The following PFKFB4 variants were observed in gnomAD, a reference collection of about 807,000 sequenced individuals.
The protein encoded by PFKFB4 is 6-phosphofructo-2-kinase/fructose-2,6-bisphosphatase 4.
A neutral mutation model predicts 62.8 loss-of-function variants in PFKFB4; 42 were observed. The observed-to-expected ratio is 0.67, with a 90% CI of 0.52 to 0.86. The LOEUF (loss-of-function observed/expected upper bound fraction) is 0.86, where lower values mean the gene tolerates loss of function less well. Among genes scored for constraint, PFKFB4 ranks in the 40% least tolerant of loss-of-function variants. The pLI is 0.00. For missense variants in PFKFB4, 475 were observed against 627.2 expected (o/e 0.76, Z 2.59); for synonymous variants, 204 against 240.7 (o/e 0.85, Z 1.41).
intron 13 of PFKFB4, among the ~76,000 whole-genome samples, chr3:48,520,756 AC>A (rs1488811441): frequency 1.3e-5 from 2 of 152,172 alleles, no homozygotes; most frequent in Non-Finnish European, 2.9e-5. Context: ...TCTCAGAAGC[AC>A]CCACCCATAG....
At chr3:48,522,443 G>C (rs958307814) in intron 12 of PFKFB4, among the ~76,000 whole-genome samples, 2 of 152,204 alleles carry the variant, frequency 1.3e-5, no homozygotes, top group Non-Finnish European at 2.9e-5. Context: ...TGCAATGGGG[G>C]ATGAGGCCAT....
intron 12 of PFKFB4, among the ~76,000 whole-genome samples, chr3:48,522,787 G>T (rs1244322048): frequency 6.6e-6 from 1 of 151,350 alleles, no homozygotes; most frequent in Non-Finnish European, 1.5e-5. Context: ...TTGAGACAGG[G>T]TCTCGCTCTG....
chr3:48,525,498 C>T (rs2107467218), intron 10 of PFKFB4, 67 bp downstream of exon 10: 2 of 826,196 alleles, frequency 2.4e-6, no homozygotes, highest in Middle Eastern at 3.2e-4. Flanking sequence ...CCCACAGGCC[C>T]TCAGCCACAG....
intron 4 of PFKFB4, 23 bp downstream of exon 4, chr3:48,543,557 T>C (rs1364135908): frequency 6.3e-7 from 1 of 1,595,508 alleles, no homozygotes; most frequent in Non-Finnish European, 8.5e-7. Flanking sequence ...CACTCCCAGC[T>C]GTCACCAGGG....
intron 9 of PFKFB4, among the ~76,000 whole-genome samples, chr3:48,529,000 A>G (rs1371198939): frequency 6.6e-6 from 1 of 152,102 alleles, no homozygotes; most frequent in Non-Finnish European, 1.5e-5. Flanking sequence ...TGAACACACT[A>G]AAAACCACTG....
upstream of PFKFB4, chr3:48,562,611 G>C (rs540283654): frequency 9.1e-6 from 6 of 659,092 alleles, no homozygotes; most frequent in East Asian, 1.7e-4. This position sits in a 1 kb window ranked among gnomAD's most constrained non-coding sequence, Gnocchi z 4.3. Flanking sequence ...ACTCAGATCT[G>C]ATATGACCTG....
Position 48,539,329 on chromosome 3 carries a change from C to T in PFKFB4, c.454-19G>A, listed in dbSNP as rs754843587. ...AAAAGGTCTGCGGCAGGACCAGAAG[C>T]GCCGGGGTGGTGGGAGGGAGGAACA... On this transcript the variant is annotated intron_variant, in intron 5 of 13. Coordinates refer to ENST00000232375, the MANE Select transcript of PFKFB4 (RefSeq NM_004567.4). The T allele has an allele frequency of 3.1e-6, 5 of 1,612,178 alleles. No homozygotes were observed. Among genetic ancestry groups the T allele is most frequent in the Non-Finnish European group, 4.2e-6 (5 of 1,178,616 alleles).
chr3:48,535,648 C>G lies in PFKFB4; in HGVS notation c.851G>C (p.Ser284Thr). ...LSPRGREFAK[S>T]LAQFISDQNI... is the part of the protein sequence containing the mutation. Reference sequence around the variant, plus strand: ...TTGGTCACTGATGAACTGGGCTAGACTCTTGGCAAACTGAAATACATCATA... The same window carrying G: ...TTGGTCACTGATGAACTGGGCTAGAGTCTTGGCAAACTGAAATACATCATA... Residue 284 changes from serine (S) to threonine (T), a missense_variant, in exon 9 of 14, where the codon AGT (serine) becomes ACT (threonine). Ser to Thr is a moderately conservative substitution (Grantham distance 58). Transcript: ENST00000232375. The G allele has an allele frequency of 6.2e-7, 1 of 1,614,188 alleles. No homozygotes were observed. The highest frequency in any genetic ancestry group is 8.5e-7 in the Non-Finnish European group (1 of 1,180,026).
chr3:48,554,426 T>C (rs2043250430), intron 1 of PFKFB4, among the ~76,000 whole-genome samples: 2 of 152,210 alleles, frequency 1.3e-5, no homozygotes, highest in South Asian at 4.1e-4. Flanking sequence ...GGTCTCATCT[T>C]TGGCCTCTCA....
In PFKFB4 at chr3:48,536,395, A is replaced by G. The variant is rs770807116; in HGVS notation, c.701T>C (p.Ile234Thr). ...SYVVNRVADH[I>T]QSRIVYYLMN... Reference sequence around the variant, plus strand: ...GAGGTAATATACGATGCGGCTCTGGATGTGGTCAGCCACACGGTTCACCAC... The same window carrying G: ...GAGGTAATATACGATGCGGCTCTGGGTGTGGTCAGCCACACGGTTCACCAC... The change falls in exon 8 of 14, where the codon ATC becomes ACC. Residue 234 changes from isoleucine (I) to threonine (T), a missense_variant. By Grantham distance (89) the Ile-to-Thr change is moderately conservative (BLOSUM62 -1). Transcript: ENST00000232375. The G allele has an allele frequency of 1.2e-6, 2 of 1,614,034 alleles. No individual in the cohort carries two copies. Among genetic ancestry groups the G allele is most frequent in the African/African-American group, 2.7e-5 (2 of 74,916 alleles).
chr3:48,542,828 T>TA (rs1373921305), intron 4 of PFKFB4, among the ~76,000 whole-genome samples: 1 of 152,074 alleles, frequency 6.6e-6, no homozygotes, highest in Non-Finnish European at 1.5e-5. Flanking sequence ...ATGTGAGGAT[T>TA]AAAAAAAGAC....
chr3:48,547,521 C>A (rs1349166546), intron 3 of PFKFB4, among the ~76,000 whole-genome samples: 1 of 152,176 alleles, frequency 6.6e-6, no homozygotes, highest in African/African-American at 2.4e-5. Flanking sequence ...GTCACCCAGG[C>A]TGGAGCACAG....
chr3:48,535,582 CTCT>C lies in PFKFB4; in HGVS notation c.914_916del (p.Lys305del). 1 of 1,614,136 alleles carries C rather than the reference CTCT, an allele frequency of 6.2e-7. No individual in the cohort carries two copies. The highest frequency in any genetic ancestry group is 1.6e-4 in the Middle Eastern group (1 of 6,062). ...CAGTGCCTCAGCCGTCTGGATTGTC[CTCT>C]TCATCTGGCTTGTCCAGACCTTCAG... is the stretch of plus-strand genomic sequence containing the variant. On this transcript the variant is annotated inframe_deletion, in exon 9 of 14. Coordinates refer to ENST00000232375, the MANE Select transcript of PFKFB4 (RefSeq NM_004567.4).
chr3:48,554,212 C>A (rs2043243205), intron 1 of PFKFB4, among the ~76,000 whole-genome samples: 1 of 152,196 alleles, frequency 6.6e-6, no homozygotes, highest in Non-Finnish European at 1.5e-5. Context: ...GGGACCAAAT[C>A]CGCTTCCATC....
intron 4 of PFKFB4, among the ~76,000 whole-genome samples, chr3:48,540,094 T>C (rs183550643): frequency 6.6e-6 from 1 of 152,316 alleles, no homozygotes; most frequent in Admixed American, 6.5e-5. Context: ...CAGTTTGTGT[T>C]TGACCAACAG....
chr3:48,562,905 G>C, upstream of PFKFB4: 1 of 1,605,656 alleles, frequency 6.2e-7, no homozygotes, highest in Non-Finnish European at 8.5e-7. The surrounding 1 kb of genome is among the most constrained non-coding windows in gnomAD (Gnocchi z 4.3). Context: ...TCCAGCGATA[G>C]GACAATGCGC....
chr3:48,539,507 A>T (rs2042736554), intron 5 of PFKFB4, 190 bp downstream of exon 5: 1 of 690,750 alleles, frequency 1.4e-6, no homozygotes, highest in Admixed American at 2.5e-5. Flanking sequence ...CCTCTCCTAG[A>T]CTCTCCCACG....
At chr3:48,559,898 CCACACACACA>C (rs34826551), upstream of PFKFB4, 2,482 of 191,678 alleles carry the variant, frequency 0.013, 28 homozygotes, top group Non-Finnish European at 0.015. Flanking sequence ...AACCATCCCA[CCACACACACA>C]CACACACACA....
chr3:48,546,065 C>T (rs1048518064), intron 3 of PFKFB4, among the ~76,000 whole-genome samples: 1 of 151,958 alleles, frequency 6.6e-6, no homozygotes, highest in Non-Finnish European at 1.5e-5. Context: ...TGAAGAGATG[C>T]ATATGTGCAT....
Sources: allele counts gnomAD v4.1 joint callset (sites outside exome capture counted in the v4.1 genomes callset), GRCh38; gene constraint gnomAD v4.1.1; non-coding constraint Gnocchi (gnomAD v3.1); transcripts MANE v1.5; gene names NCBI Gene and HGNC (gene_info 2026-07-23, HGNC 2026-07-21).